WASF3: variants seen among roughly 807,000 people sequenced by gnomAD.
WASF3 encodes the protein actin-binding protein WASF3.
A neutral mutation model predicts 46.6 loss-of-function variants in WASF3; 11 were observed. The observed-to-expected ratio is 0.24, with a 90% CI of 0.15 to 0.39. The LOEUF (loss-of-function observed/expected upper bound fraction) is 0.39, where lower values mean the gene tolerates loss of function less well. Among genes scored for constraint, WASF3 ranks in the 10% least tolerant of loss-of-function variants. The pLI is 1.00. For synonymous variants in WASF3, 242 were observed against 259.7 expected, an observed-to-expected ratio of 0.93 and a Z score of 0.65; for missense variants, 576 against 669.8, an observed-to-expected ratio of 0.86 and a Z score of 1.55.
intron 1 of WASF3, among the ~76,000 whole-genome samples, chr13:26,587,042 G>T (rs1880147572): frequency 7.0e-6 from 1 of 143,038 alleles, no homozygotes; most frequent in Non-Finnish European, 1.5e-5. Flanking sequence ...GGTGGAGGTT[G>T]CAGTGAGCCA....
At chr13:26,540,927 T>C in the WASF3 span, among the ~76,000 whole-genome samples, 1 of 152,202 alleles carries the variant, frequency 6.6e-6, no homozygotes, top group African/African-American at 2.4e-5. Flanking sequence ...AGTTTGTATT[T>C]GTATGTGTTC....
At chr13:26,661,034 A>C (rs2137455838) in intron 3 of WASF3, among the ~76,000 whole-genome samples, 1 of 152,080 alleles carries the variant, frequency 6.6e-6, no homozygotes, top group African/African-American at 2.4e-5. Flanking sequence ...TAGAGCAAAA[A>C]CTCGCTCACC....
chr13:26,682,023 C>A lies in WASF3; in HGVS notation c.984-584C>A, dbSNP rs148593934. 0.014 allele frequency among the ~76,000 whole-genome samples: 2,186 copies of A among 152,298 alleles called. 29 individuals are homozygous for A. Among genetic ancestry groups the A allele is most frequent in the Non-Finnish European group, 0.018 (1,243 of 68,020 alleles). ...AAGTGCTCTCCCTGGCCATGCATGC[C>A]AAGTCAGGATCCCCAGAGTGGCTTG... is the stretch of plus-strand genomic sequence containing the variant. On this transcript the variant is annotated intron_variant, in intron 8 of 9. Transcript: ENST00000335327. This position sits in a 1 kb window ranked among gnomAD's most constrained non-coding sequence, Gnocchi z 4.4.
intron 2 of WASF3, among the ~76,000 whole-genome samples, chr13:26,629,010 C>T (rs143354193): frequency 5.9e-5 from 9 of 152,318 alleles, no homozygotes; most frequent in African/African-American, 1.9e-4. Context: ...GCTGGCCCAG[C>T]GTTCATTGGG....
intron 1 of WASF3, among the ~76,000 whole-genome samples, chr13:26,563,297 C>A (rs1483824379): frequency 6.6e-6 from 1 of 152,022 alleles, no homozygotes; most frequent in Admixed American, 6.6e-5. Flanking sequence ...TGGGCTCAAG[C>A]AGTCCTCCCA....
At chr13:26,614,037 C>A (rs972228934) in intron 2 of WASF3, among the ~76,000 whole-genome samples, 7 of 152,102 alleles carry the variant, frequency 4.6e-5, no homozygotes, top group African/African-American at 1.7e-4. Context: ...CTGTAAAAAT[C>A]AAATGAGAGG....
the WASF3 span, among the ~76,000 whole-genome samples, chr13:26,542,662 A>G: frequency 6.6e-6 from 1 of 152,248 alleles, no homozygotes; most frequent in Non-Finnish European, 1.5e-5. Context: ...ACCTATTCAC[A>G]CAAAGCTATA....
At chr13:26,646,734 C>T (rs1254377919) in intron 3 of WASF3, among the ~76,000 whole-genome samples, 1 of 146,732 alleles carries the variant, frequency 6.8e-6, no homozygotes, top group Admixed American at 6.7e-5. Context: ...CCTGCTTGAG[C>T]AGCAGGAACT....
At chr13:26,634,708 C>T (rs147896776) in intron 2 of WASF3, among the ~76,000 whole-genome samples, 2 of 152,148 alleles carry the variant, frequency 1.3e-5, no homozygotes, top group African/African-American at 4.8e-5. Flanking sequence ...TCAGCATTTG[C>T]TTGTCTGTGA....
intron 1 of WASF3, among the ~76,000 whole-genome samples, chr13:26,598,221 G>A (rs1880533999): frequency 6.6e-6 from 1 of 152,224 alleles, no homozygotes; most frequent in Non-Finnish European, 1.5e-5. Flanking sequence ...GGCCAGTGAT[G>A]ATGAGCGTTT....
chr13:26,678,956 C>G (rs192747144), intron 7 of WASF3, among the ~76,000 whole-genome samples: 6 of 152,052 alleles, frequency 3.9e-5, no homozygotes, highest in African/African-American at 7.3e-5. Flanking sequence ...TCCCGGCCCT[C>G]CTCCTCCCAT....
intron 3 of WASF3, among the ~76,000 whole-genome samples, chr13:26,655,012 T>C (rs1356767732): frequency 6.6e-6 from 1 of 152,184 alleles, no homozygotes; most frequent in African/African-American, 2.4e-5. Flanking sequence ...ATTTTAGACT[T>C]TAAAAAGACC....
At chr13:26,665,802 A>G (rs1279483706) in intron 4 of WASF3, among the ~76,000 whole-genome samples, 1 of 152,242 alleles carries the variant, frequency 6.6e-6, no homozygotes, top group Non-Finnish European at 1.5e-5. Context: ...TACTTTCAGT[A>G]TCTTGAATGA....
intron 7 of WASF3, chr13:26,680,109 G>A (rs778052077): frequency 1.3e-6 from 2 of 1,598,356 alleles, no homozygotes; most frequent in Admixed American, 1.7e-5. Flanking sequence ...GAAAAGAAGA[G>A]TGGGAGAGAA....
At position 26,602,553 on chromosome 13, in the gene WASF3, T is replaced by G. The variant is rs544885187; in HGVS notation, c.-108-10408T>G. 4.6e-5 allele frequency among the ~76,000 whole-genome samples: 7 copies of G among 152,334 alleles called. No homozygotes were observed. The South Asian group carries it at 1.2e-3, about 27-fold the overall frequency. On this transcript the variant is annotated intron_variant, in intron 1 of 9. Coordinates refer to ENST00000335327, the MANE Select transcript of WASF3 (RefSeq NM_006646.6). The stretch of plus-strand genomic sequence containing the variant: ...AGACATGTTGTAAAAATGGTACTGC[T>G]GTGTTTGTCAGTTTTGTTTGAACAC...
rs1324260463 is a variant in WASF3 at position 26,636,636 on chromosome 13, C to T, written c.-10-5625C>T. On this transcript the variant is annotated intron_variant, in intron 2 of 9. Transcript: ENST00000335327. ...ACTGCAGACCAGAGCTGTTCCTATT[C>T]GGCCATCTTGGAACAGAACTTATTT... is the stretch of plus-strand genomic sequence containing the variant. Among the ~76,000 whole-genome samples the T allele has an allele frequency of 6.6e-5, 10 of 152,224 alleles. No homozygotes were observed. In the South Asian group the frequency reaches 1.4e-3, roughly 22 times the overall value.
the WASF3 span, among the ~76,000 whole-genome samples, chr13:26,544,733 C>T: frequency 1.3e-5 from 2 of 152,142 alleles, no homozygotes; most frequent in African/African-American, 2.4e-5. Context: ...TTGGTGAAGT[C>T]GGCTACCATG....
intron 5 of WASF3, among the ~76,000 whole-genome samples, chr13:26,670,162 A>G (rs1229966482): frequency 6.6e-6 from 1 of 152,208 alleles, no homozygotes; most frequent in African/African-American, 2.4e-5. Context: ...TACCCCATGG[A>G]ATACTATGCA....
chr13:26,671,183 A>G (rs1882915956), intron 5 of WASF3, among the ~76,000 whole-genome samples: 1 of 152,206 alleles, frequency 6.6e-6, no homozygotes, highest in Non-Finnish European at 1.5e-5. Flanking sequence ...TGCTAGCTCC[A>G]TCATTGGTTT....
Sources: allele counts gnomAD v4.1 joint callset (sites outside exome capture counted in the v4.1 genomes callset), GRCh38; gene constraint gnomAD v4.1.1; non-coding constraint Gnocchi (gnomAD v3.1); transcripts MANE v1.5; gene names NCBI Gene and HGNC (gene_info 2026-07-23, HGNC 2026-07-21).